Variants in SLIT1 observed in about 807,000 individuals in gnomAD.
SLIT1 encodes slit guidance ligand 1, also known as slit homolog 1 protein.
In SLIT1, 66 loss-of-function variants were observed where a neutral mutation model predicts 186.1. The ratio of observed to expected loss-of-function variants is 0.35; its 90% CI spans 0.29 to 0.44. The LOEUF (loss-of-function observed/expected upper bound fraction) is 0.44. Ranked by LOEUF, SLIT1 falls within the 20% of genes least tolerant of loss-of-function variation. The pLI is 1.00. For synonymous variants in SLIT1, 761 were observed against 833.8 expected (o/e 0.91, Z 1.50); for missense variants, 1,638 against 2,037.4 (o/e 0.80, Z 3.77).
rs1347974354 is a variant in SLIT1 at position 97,022,642 on chromosome 10, C to T, written c.2583-1229G>A. Among the ~76,000 whole-genome samples the T allele has an allele frequency of 6.6e-6, 1 of 152,112 alleles. No homozygotes were observed. The highest frequency in any genetic ancestry group is 2.4e-5 in the African/African-American group (1 of 41,412). On this transcript the variant is annotated intron_variant, in intron 25 of 36. Coordinates refer to ENST00000266058, the MANE Select transcript of SLIT1 (RefSeq NM_003061.3). This position sits in a 1 kb window ranked among gnomAD's most constrained non-coding sequence, Gnocchi z 4.2. ...CACATAAAGACATCTGTGCAATGGG[C>T]CTATTTGTAATGGAAAGACTGGAAA...
chr10:97,099,405 G>A (rs553485327), intron 4 of SLIT1, among the ~76,000 whole-genome samples: 11 of 152,176 alleles, frequency 7.2e-5, no homozygotes, highest in South Asian at 6.2e-4. Context: ...CAGCCACCTC[G>A]GAGTTTCTAA....
At chr10:97,036,028 C>G (rs1332835846) in intron 22 of SLIT1, among the ~76,000 whole-genome samples, 1 of 152,172 alleles carries the variant, frequency 6.6e-6, no homozygotes, top group Admixed American at 6.5e-5. Context: ...CCCTCCCCTC[C>G]CCTGCATCCT....
chr10:97,024,404 C>T (rs1273306013), intron 25 of SLIT1, among the ~76,000 whole-genome samples: 1 of 152,106 alleles, frequency 6.6e-6, no homozygotes, highest in East Asian at 1.9e-4. Flanking sequence ...GAGCCTGCAA[C>T]CTAGAGGGAG....
intron 4 of SLIT1, among the ~76,000 whole-genome samples, chr10:97,079,275 GT>G (rs1238889440): frequency 6.6e-6 from 1 of 152,202 alleles, no homozygotes; most frequent in Non-Finnish European, 1.5e-5. Flanking sequence ...GGGATGGGGG[GT>G]GCAGGGATTT....
chr10:97,185,646 G>A lies in SLIT1; in HGVS notation c.29C>T (p.Ser10Leu), dbSNP rs1364711100. 2 of 1,543,554 alleles carry A rather than the reference G, an allele frequency of 1.3e-6. No homozygotes were observed. The highest frequency in any genetic ancestry group is 1.4e-5 in the African/African-American group (1 of 72,408). Residue 10 changes from serine to leucine, a missense_variant, in exon 1 of 37, where the codon TCG (serine) becomes TTG (leucine). By Grantham distance (145) the Ser-to-Leu change is moderately radical. This residue lies in a region of SLIT1 where 1,245 missense variants were observed against 1,535.3 expected (regional missense o/e 0.81). Coordinates refer to ENST00000266058, the MANE Select transcript of SLIT1 (RefSeq NM_003061.3). ...GAGCTCCGGCCGGACCGGCCCCGCC[G>A]AGGACCCCCACCCGGGAGTCAGCGC... MALTPGWGS[S>L]AGPVRPELWL...
Position 96,999,850 on chromosome 10 carries a change from A to ACAT in SLIT1, c.*1259_*1261dup, listed in dbSNP as rs1265523967. The ACAT allele has an allele frequency of 2.0e-5, 3 of 152,290 alleles. No homozygotes were observed. The highest frequency in any genetic ancestry group is 4.1e-4 in the South Asian group (2 of 4,828). The allele number at this position is 152,290 out of a possible 1,614,324, so 9.4% of individuals were successfully genotyped here. On this transcript the variant is annotated 3_prime_UTR_variant, in exon 37 of 37. Coordinates refer to ENST00000266058, the MANE Select transcript of SLIT1 (RefSeq NM_003061.3). ...TCCTGCGATGCTCTGGGATGAGTTC[A>ACAT]CATCTGTCCATTAGGCCAGAACGTC... is the stretch of plus-strand genomic sequence containing the variant.
Position 97,040,118 on chromosome 10 carries a change from G to A in SLIT1, c.2167C>T (p.Gln723Ter). 1 of 1,565,676 alleles carries A rather than the reference G, an allele frequency of 6.4e-7. No individual in the cohort carries two copies. Among genetic ancestry groups the A allele is most frequent in the Non-Finnish European group, 8.6e-7 (1 of 1,157,262 alleles). ...AFPDFRCEEG[Q>*]EEGGCLPRPQ... ...CGGGGCAGGCAGCCCCCCTCCTCCT[G>A]GCCTAGGGAAGAAGGCACGAAGCCC... The change falls in exon 21 of 37, where the codon CAG becomes TAG. Residue 723 changes from glutamine to a stop codon, truncating the protein, a stop_gained and splice_region_variant. Transcript: ENST00000266058. LOFTEE classifies it high-confidence loss of function.
intron 14 of SLIT1, among the ~76,000 whole-genome samples, chr10:97,048,742 G>A (rs1024021590): frequency 4.6e-5 from 7 of 151,752 alleles, no homozygotes; most frequent in Non-Finnish European, 8.8e-5. Flanking sequence ...CAGGCAGGCC[G>A]GCAGGGAGGC....
At chr10:97,018,565 C>CT in intron 28 of SLIT1, 21 bp downstream of exon 28, 1 of 1,500,258 alleles carries the variant, frequency 6.7e-7, no homozygotes, top group Non-Finnish European at 9.1e-7. Context: ...CACCAGGCTC[C>CT]TGCCCCTCCA....
At chr10:97,164,962 G>A in intron 1 of SLIT1, 72 bp from the exon 2 acceptor site, 2 of 1,173,966 alleles carry the variant, frequency 1.7e-6, no homozygotes, top group Admixed American at 3.4e-5. Context: ...CCCTGCTCCA[G>A]GTGCCCTCCC....
chr10:97,163,572 C>T, intron 2 of SLIT1, 121 bp from the exon 3 acceptor site: 1 of 800,218 alleles, frequency 1.2e-6, no homozygotes, highest in Non-Finnish European at 2.2e-6. Context: ...GGGAGTAAGA[C>T]AGGAGCCATG....
intron 4 of SLIT1, among the ~76,000 whole-genome samples, chr10:97,119,913 GTATA>G (rs55656011): frequency 0.19 from 10,864 of 56,458 alleles, 922 homozygotes; most frequent in East Asian, 0.26. Flanking sequence ...TTCCAAAGGG[GTATA>G]TATATATATA....
rs748375457 is a variant in SLIT1, at chr10:97,063,568, G to A, written c.680C>T (p.Ser227Leu). 7 of 1,613,362 alleles carry A rather than the reference G, an allele frequency of 4.3e-6. No homozygotes were observed. Among genetic ancestry groups the A allele is most frequent in the Non-Finnish European group, 5.9e-6 (7 of 1,179,826 alleles). Residue 227 changes from serine (S) to leucine (L), a missense_variant, in exon 8 of 37, where the codon TCG becomes TTG. This residue lies in a region of SLIT1 where 1,245 missense variants were observed against 1,535.3 expected (regional missense o/e 0.81). Transcript: ENST00000266058. ...GGTTGGCCGCTGCCTCAGCCACTGC[G>A]AGAGCCAGGCCAGGTGGCAGTCGCA... Reference protein sequence around the residue: ...LFCDCHLAWLSQWLRQRPTIG... With the variant: ...LFCDCHLAWLLQWLRQRPTIG...
Position 97,064,206 on chromosome 10 carries a change from G to A in SLIT1, c.591C>T (p.Pro197=), listed in dbSNP as rs116469159. 2.2e-5 allele frequency: 35 copies of A among 1,613,750 alleles called. 2 individuals are homozygous for A. The South Asian group carries it at 2.3e-4, about 11-fold the overall frequency. The change falls in exon 7 of 37, where the codon CCC becomes CCT. Residue 197 remains proline, a synonymous_variant. Transcript: ENST00000266058. The part of the protein sequence containing the change: ...TLNNNNITTI[P]VSSFNHMPKL... Reference sequence around the variant, plus strand: ...TGGGCATATGGTTGAAGCTGGACACGGGGATGGTGGTGATATTGTTGTTGT... The same window carrying A: ...TGGGCATATGGTTGAAGCTGGACACAGGGATGGTGGTGATATTGTTGTTGT...
intron 1 of SLIT1, among the ~76,000 whole-genome samples, chr10:97,181,669 A>G (rs1420123247): frequency 1.3e-5 from 2 of 152,108 alleles, no homozygotes; most frequent in African/African-American, 2.4e-5. Context: ...ACATAGCTAG[A>G]TCCCCATCTC....
chr10:97,163,416 C>T lies in SLIT1; in HGVS notation c.305G>A (p.Arg102His). 5.0e-6 allele frequency: 8 copies of T among 1,614,228 alleles called. No homozygotes were observed. Among genetic ancestry groups the T allele is most frequent in the East Asian group, 2.2e-5 (1 of 44,888 alleles). ...LMENQIGAVE[R>H]GAFDDMKELE... is the part of the protein sequence containing the mutation. ...CTCCTTCATGTCATCAAAAGCACCA[C>T]GTTCCACTGCTCCAATCTGGTTCTC... The change falls in exon 3 of 37, where the codon CGT (arginine) becomes CAT (histidine). Residue 102 changes from arginine (R) to histidine (H), a missense_variant. Physicochemically the swap from Arg to His is conservative, Grantham distance 29. Coordinates refer to ENST00000266058, the MANE Select transcript of SLIT1 (RefSeq NM_003061.3).
At position 97,144,158 on chromosome 10, in the gene SLIT1, A is replaced by G. The variant is rs570004765; in HGVS notation, c.413+13660T>C. The stretch of plus-strand genomic sequence containing the variant: ...GGTTGCAGTGAGCCGAGATAGCACC[A>G]TTGCACTCCAGTCTAGGCGACAGAG... On this transcript the variant is annotated intron_variant, in intron 4 of 36. Transcript: ENST00000266058. 7.3e-5 allele frequency among the ~76,000 whole-genome samples: 11 copies of G among 151,662 alleles called. No homozygotes were observed. The South Asian group carries it at 1.3e-3, about 17-fold the overall frequency.
In SLIT1 at chr10:97,043,741, C is replaced by G. The variant is rs1046643764; in HGVS notation, c.1854-228G>C. The stretch of plus-strand genomic sequence containing the variant: ...CCTCTGAGAAGCCTCGAGGCTCTGT[C>G]TCTCTCTCCCTGCCACTGCCCTGTC... On this transcript the variant is annotated intron_variant, in intron 18 of 36. Transcript: ENST00000266058. The surrounding 1 kb of genome is among the most constrained non-coding windows in gnomAD (Gnocchi z 7.0). Among the ~76,000 whole-genome samples the G allele has an allele frequency of 1.2e-4, 18 of 152,204 alleles. No individual in the cohort carries two copies. Among genetic ancestry groups the G allele is most frequent in the African/African-American group, 4.3e-4 (18 of 41,456 alleles).
At chr10:97,114,198 T>G (rs2134682045) in intron 4 of SLIT1, among the ~76,000 whole-genome samples, 1 of 152,266 alleles carries the variant, frequency 6.6e-6, no homozygotes, top group African/African-American at 2.4e-5. Flanking sequence ...ACCGCAACAC[T>G]TAGGTTCAAC....
Sources: allele counts gnomAD v4.1 joint callset (sites outside exome capture counted in the v4.1 genomes callset), GRCh38; gene constraint gnomAD v4.1.1; regional missense constraint gnomAD v4.1.1; non-coding constraint Gnocchi (gnomAD v3.1); transcripts MANE v1.5; gene names NCBI Gene and HGNC (gene_info 2026-07-23, HGNC 2026-07-21).